FCHSD2: variants seen among roughly 807,000 people sequenced by gnomAD.
FCHSD2 encodes the protein F-BAR and double SH3 domains protein 2.
FCHSD2 carries 38 observed loss-of-function variants against 108.1 expected under a neutral mutation model. The ratio of observed to expected loss-of-function variants is 0.35; its 90% CI spans 0.27 to 0.46. The LOEUF (loss-of-function observed/expected upper bound fraction) is 0.46. Ranked by LOEUF, FCHSD2 falls within the 20% of genes least tolerant of loss-of-function variation. FCHSD2 has a pLI of 1.00. For synonymous variants in FCHSD2, 279 were observed against 314.7 expected (o/e 0.89, Z 1.20); for missense variants, 751 against 897.8 (o/e 0.84, Z 2.09).
At chr11:73,136,974 G>A (rs1861133979) in intron 2 of FCHSD2, among the ~76,000 whole-genome samples, 1 of 152,176 alleles carries the variant, frequency 6.6e-6, no homozygotes, top group Non-Finnish European at 1.5e-5. Context: ...GTTGCAGTAA[G>A]CTGAGATTGC....
intron 8 of FCHSD2, among the ~76,000 whole-genome samples, chr11:72,958,255 T>C (rs1481329633): frequency 2.0e-5 from 3 of 152,148 alleles, no homozygotes; most frequent in Admixed American, 6.5e-5. Flanking sequence ...CAGTGGCTCA[T>C]ACCTGTAATC....
intron 2 of FCHSD2, among the ~76,000 whole-genome samples, chr11:73,127,495 G>A (rs77217967): frequency 1.9e-3 from 290 of 152,246 alleles, no homozygotes; most frequent in Non-Finnish European, 2.7e-3. Context: ...CCAAGAACAC[G>A]AGCCAGACTT....
chr11:72,894,086 T>C (rs1286234492), intron 10 of FCHSD2, among the ~76,000 whole-genome samples: 4 of 152,186 alleles, frequency 2.6e-5, no homozygotes, highest in Non-Finnish European at 2.9e-5. Context: ...GAAAAAGAGA[T>C]GGTCATGTAT....
chr11:73,098,496 A>C (rs1358138531), intron 2 of FCHSD2, among the ~76,000 whole-genome samples: 1 of 152,180 alleles, frequency 6.6e-6, no homozygotes, highest in African/African-American at 2.4e-5. Context: ...TTTTATGTGT[A>C]CTTGAGAAAA....
At chr11:73,139,600 T>C (rs1861200166) in intron 2 of FCHSD2, among the ~76,000 whole-genome samples, 2 of 152,206 alleles carry the variant, frequency 1.3e-5, no homozygotes, top group Non-Finnish European at 1.5e-5. Flanking sequence ...GTTGTATTTG[T>C]CATGTTCTAA....
chr11:73,096,316 G>A (rs1860073869), intron 2 of FCHSD2, among the ~76,000 whole-genome samples: 1 of 149,416 alleles, frequency 6.7e-6, no homozygotes, highest in Admixed American at 6.8e-5. Flanking sequence ...CAAGGCAGGT[G>A]GATCACTTGA....
chr11:73,062,866 A>C (rs937371102), intron 3 of FCHSD2, among the ~76,000 whole-genome samples: 2 of 152,270 alleles, frequency 1.3e-5, no homozygotes, highest in Non-Finnish European at 2.9e-5. Flanking sequence ...AACACACTTC[A>C]GCGTATTATC....
intron 12 of FCHSD2, among the ~76,000 whole-genome samples, chr11:72,871,974 G>A (rs1338209079): frequency 2.0e-5 from 3 of 151,814 alleles, no homozygotes; most frequent in African/African-American, 7.3e-5. Flanking sequence ...TTGTATCACT[G>A]GGCTTTCTTT....
intron 9 of FCHSD2, among the ~76,000 whole-genome samples, chr11:72,905,034 C>G (rs965292561): frequency 2.0e-5 from 3 of 152,188 alleles, no homozygotes; most frequent in African/African-American, 7.2e-5. Context: ...TTTTTACAAA[C>G]AGCTGTAGTG....
At chr11:73,035,544 GC>G (rs1858472243) in intron 3 of FCHSD2, among the ~76,000 whole-genome samples, 1 of 151,992 alleles carries the variant, frequency 6.6e-6, no homozygotes, top group Non-Finnish European at 1.5e-5. Context: ...TTGTTGCTAA[GC>G]AAATGAGTCA....
chr11:73,120,921 A>C (rs1255374266), intron 2 of FCHSD2, among the ~76,000 whole-genome samples: 3 of 151,974 alleles, frequency 2.0e-5, no homozygotes, highest in Non-Finnish European at 4.4e-5. Context: ...GCAGAGTCAA[A>C]AACATAGGCT....
chr11:73,008,855 G>A (rs1857798911), intron 4 of FCHSD2, among the ~76,000 whole-genome samples: 1 of 151,944 alleles, frequency 6.6e-6, no homozygotes, highest in Admixed American at 6.6e-5. Flanking sequence ...CTACAAAGAA[G>A]GTAAAATTAG....
chr11:72,994,087 T>C (rs1391698010), intron 5 of FCHSD2, among the ~76,000 whole-genome samples: 4 of 152,158 alleles, frequency 2.6e-5, no homozygotes, highest in Non-Finnish European at 5.9e-5. Context: ...CTCACTCCCT[T>C]GTCCTAGACC....
chr11:72,849,886 T>C lies in FCHSD2; in HGVS notation c.1312A>G (p.Asn438Asp). 6.2e-7 allele frequency: 1 copy of C among 1,608,222 alleles called. No individual in the cohort carries two copies. The highest frequency in any genetic ancestry group is 8.5e-7 in the Non-Finnish European group (1 of 1,178,180). The change falls in exon 14 of 20, where the codon AAT (asparagine) becomes GAT (aspartate). Residue 438 changes from asparagine to aspartate, a missense_variant. Transcript: ENST00000409418. ...VTSNGTLHSL[N>D]ADTEREEGEE... ...CCTTCTTCTCTTTCGGTATCTGCAT[T>C]AAGCTAAGAAAAATTAGAAACCATT...
chr11:72,888,926 A>G (rs954732203), intron 11 of FCHSD2, among the ~76,000 whole-genome samples: 3 of 142,850 alleles, frequency 2.1e-5, no homozygotes, highest in Non-Finnish European at 3.1e-5. Context: ...CCAGCCAAAC[A>G]TATATTTTCA....
At chr11:72,942,285 G>A (rs1479727612) in intron 8 of FCHSD2, among the ~76,000 whole-genome samples, 1 of 152,212 alleles carries the variant, frequency 6.6e-6, no homozygotes, top group Non-Finnish European at 1.5e-5. Flanking sequence ...CTTCTGCCAT[G>A]ATTGTAAGTT....
chr11:72,885,767 A>G (rs1331118074), intron 12 of FCHSD2, among the ~76,000 whole-genome samples: 7 of 152,194 alleles, frequency 4.6e-5, no homozygotes, highest in African/African-American at 1.4e-4. Flanking sequence ...CTTAGAGTAG[A>G]TGAGGGCTTG....
At chr11:72,878,146 G>C (rs2135227120) in intron 12 of FCHSD2, among the ~76,000 whole-genome samples, 1 of 152,228 alleles carries the variant, frequency 6.6e-6, no homozygotes, top group Middle Eastern at 3.4e-3. Flanking sequence ...GGGCATAGTG[G>C]CATGCAGTTG....
intron 12 of FCHSD2, among the ~76,000 whole-genome samples, chr11:72,872,836 A>G (rs1854889809): frequency 6.6e-6 from 1 of 152,180 alleles, no homozygotes; most frequent in Non-Finnish European, 1.5e-5. Context: ...ATCATGAAGT[A>G]ATGCTAAGTT....
Sources: allele counts gnomAD v4.1 joint callset (sites outside exome capture counted in the v4.1 genomes callset), GRCh38; gene constraint gnomAD v4.1.1; transcripts MANE v1.5; gene names NCBI Gene and HGNC (gene_info 2026-07-23, HGNC 2026-07-21).